Variants in AKAP6 observed in about 807,000 individuals in gnomAD.
AKAP6 encodes the protein A-kinase anchor protein 6.
Under a neutral mutation model 188.5 loss-of-function variants are expected in AKAP6, and 58 were observed. The observed-to-expected ratio is 0.31, with a 90% CI of 0.25 to 0.38. The LOEUF (loss-of-function observed/expected upper bound fraction) is 0.38. Ranked by LOEUF, AKAP6 falls within the 10% of genes least tolerant of loss-of-function variation. The pLI is 1.00. For missense variants in AKAP6, 2,710 were observed against 2,740.0 expected (o/e 0.99, Z 0.24); for synonymous variants, 989 against 998.6 (o/e 0.99, Z 0.18).
At chr14:32,517,979 G>A (rs1881609564) in intron 2 of AKAP6, among the ~76,000 whole-genome samples, 1 of 152,164 alleles carries the variant, frequency 6.6e-6, no homozygotes, top group African/African-American at 2.4e-5. Flanking sequence ...ACAGCTGGGT[G>A]CCCCTCTGAG....
At chr14:32,612,168 G>A (rs2139386938) in intron 7 of AKAP6, among the ~76,000 whole-genome samples, 1 of 152,182 alleles carries the variant, frequency 6.6e-6, no homozygotes, top group Non-Finnish European at 1.5e-5. Flanking sequence ...CTTACATTTG[G>A]TGATTAATCT....
At chr14:32,529,349 A>G (rs1021956804) in intron 2 of AKAP6, among the ~76,000 whole-genome samples, 1 of 152,186 alleles carries the variant, frequency 6.6e-6, no homozygotes, top group African/African-American at 2.4e-5. Context: ...ATTGCTTATT[A>G]GTCCCAGGAG....
At chr14:32,694,112 A>C (rs749716115) in intron 8 of AKAP6, among the ~76,000 whole-genome samples, 1 of 152,136 alleles carries the variant, frequency 6.6e-6, no homozygotes, top group Non-Finnish European at 1.5e-5. Context: ...CTGTAATCCC[A>C]GCACTTTGGG....
At chr14:32,506,240 T>C (rs144110703) in intron 2 of AKAP6, among the ~76,000 whole-genome samples, 4 of 152,290 alleles carry the variant, frequency 2.6e-5, no homozygotes, top group African/African-American at 9.6e-5. Context: ...ATTATTGATA[T>C]AGCTAAACAA....
At chr14:32,643,624 T>A (rs1887859566) in intron 7 of AKAP6, among the ~76,000 whole-genome samples, 1 of 152,164 alleles carries the variant, frequency 6.6e-6, no homozygotes, top group Non-Finnish European at 1.5e-5. Context: ...CTTTATCACC[T>A]GCTTTTCTCC....
intron 2 of AKAP6, among the ~76,000 whole-genome samples, chr14:32,520,621 C>T (rs998669704): frequency 1.3e-5 from 2 of 152,282 alleles, no homozygotes; most frequent in Admixed American, 6.5e-5. Context: ...TTCCTGGACA[C>T]ATACACCCTC....
At chr14:32,400,138 G>A (rs559966784) in intron 1 of AKAP6, among the ~76,000 whole-genome samples, 7 of 152,138 alleles carry the variant, frequency 4.6e-5, no homozygotes, top group African/African-American at 1.4e-4. Flanking sequence ...GGGCAGGTCT[G>A]TGGTTATAAA....
chr14:32,601,936 CAG>C (rs1258583384), intron 7 of AKAP6, among the ~76,000 whole-genome samples: 1 of 152,142 alleles, frequency 6.6e-6, no homozygotes, highest in Non-Finnish European at 1.5e-5. Context: ...TTGTTGGAAA[CAG>C]AGGATAGAAT....
At chr14:32,688,696 A>G (rs559222175) in intron 8 of AKAP6, among the ~76,000 whole-genome samples, 1 of 152,284 alleles carries the variant, frequency 6.6e-6, no homozygotes, top group East Asian at 1.9e-4. Flanking sequence ...CCCGTGCAAG[A>G]GAAGTCAAAT....
At chr14:32,614,228 C>T (rs1886464440) in intron 7 of AKAP6, among the ~76,000 whole-genome samples, 1 of 152,154 alleles carries the variant, frequency 6.6e-6, no homozygotes, top group South Asian at 2.1e-4. Context: ...TGAAGTCCTG[C>T]TTCAGACCTT....
chr14:32,790,953 C>T (rs534361090), intron 12 of AKAP6, among the ~76,000 whole-genome samples: 2 of 152,176 alleles, frequency 1.3e-5, no homozygotes, highest in South Asian at 2.1e-4. Context: ...TGAACTCATT[C>T]TTTTTTATGG....
rs71115086 is a variant in AKAP6, at chr14:32,615,167, CAAAAAA to C, written c.2730+14389_2730+14394del. ...CTGGCAACAGAGCAAGACTCTGTCTCAAAAAAAAAAAAAAAAAAAGATAAACAAGAA... is the reference window on the plus strand; with the variant it reads ...CTGGCAACAGAGCAAGACTCTGTCTCAAAAAAAAAAAAAGATAAACAAGAA... On this transcript the variant is annotated intron_variant, in intron 7 of 13. Transcript: ENST00000280979. Among the ~76,000 whole-genome samples, 8 of 53,506 alleles carry C rather than the reference CAAAAAA, an allele frequency of 1.5e-4. 1 individual carries two copies. The highest frequency in any genetic ancestry group is 2.3e-4 in the Non-Finnish European group (7 of 31,008). 35.1% of individuals were successfully genotyped at this position (53,506 alleles called of 152,430 possible).
intron 12 of AKAP6, among the ~76,000 whole-genome samples, chr14:32,806,227 T>C (rs1013717055): frequency 6.6e-6 from 1 of 152,222 alleles, no homozygotes; most frequent in African/African-American, 2.4e-5. Flanking sequence ...AAGATAATTT[T>C]GACATAGATG....
chr14:32,621,967 A>G (rs912011416), intron 7 of AKAP6, among the ~76,000 whole-genome samples: 2 of 152,140 alleles, frequency 1.3e-5, no homozygotes, highest in African/African-American at 4.8e-5. Context: ...CCCAGAGGGG[A>G]CAGTCAAATA....
intron 7 of AKAP6, among the ~76,000 whole-genome samples, chr14:32,640,915 A>G (rs573423256): frequency 1.3e-5 from 2 of 152,222 alleles, no homozygotes; most frequent in African/African-American, 2.4e-5. Context: ...TGTAAAATAC[A>G]TAAGTGAGGA....
chr14:32,599,277 G>C (rs1462019333), intron 5 of AKAP6, 133 bp from the exon 6 acceptor site: 1 of 647,040 alleles, frequency 1.5e-6, no homozygotes. Flanking sequence ...ATAGCTTTTA[G>C]TATTGCAAAT....
rs2034860968 is a variant in AKAP6 at position 32,835,111 on chromosome 14, CA to C, written c.*5307del. The C allele has an allele frequency of 6.6e-6, 1 of 152,166 alleles. No individual in the cohort carries two copies. Among genetic ancestry groups the C allele is most frequent in the Non-Finnish European group, 1.5e-5 (1 of 68,032 alleles). 9.4% of individuals were successfully genotyped at this position (152,166 alleles called of 1,614,324 possible). ...AAAGTTACGTACTTGCAACAAAAGC[CA>C]TATGGCCTGCAAAACCTAAAACATT... On this transcript the variant is annotated 3_prime_UTR_variant, in exon 14 of 14. Coordinates refer to ENST00000280979, the MANE Select transcript of AKAP6 (RefSeq NM_004274.5).
chr14:32,539,039 T>G (rs1882807097), intron 3 of AKAP6, among the ~76,000 whole-genome samples: 1 of 152,206 alleles, frequency 6.6e-6, no homozygotes. Flanking sequence ...TGTATAAGAC[T>G]CTATGCATTC....
intron 5 of AKAP6, among the ~76,000 whole-genome samples, chr14:32,595,834 G>A (rs1885676437): frequency 6.6e-6 from 1 of 152,106 alleles, no homozygotes. Flanking sequence ...TCTACGCTGG[G>A]TCTTATAAAG....
Sources: allele counts gnomAD v4.1 joint callset (sites outside exome capture counted in the v4.1 genomes callset), GRCh38; gene constraint gnomAD v4.1.1; transcripts MANE v1.5; gene names NCBI Gene and HGNC (gene_info 2026-07-23, HGNC 2026-07-21).